Variants in NEK10 observed in about 807,000 individuals in gnomAD.
NEK10 encodes the protein NIMA related kinase 10.
NEK10 carries 122 observed loss-of-function variants against 159.8 expected under a neutral mutation model. That is an observed-to-expected ratio of 0.76 (90% CI 0.66 to 0.89). The LOEUF is 0.89. Among genes scored for constraint, NEK10 ranks in the 40% least tolerant of loss-of-function variants. The probability of loss-of-function intolerance (pLI) is 0.00; values close to 1 mark genes in which losing one functional copy is unlikely to be tolerated. For synonymous variants in NEK10, 466 were observed against 457.1 expected (o/e 1.02, Z -0.25); for missense variants, 1,342 against 1,323.1 (o/e 1.01, Z -0.22).
intron 3 of NEK10, among the ~76,000 whole-genome samples, chr3:27,351,962 G>A (rs1370687118): frequency 1.3e-5 from 2 of 151,822 alleles, no homozygotes; most frequent in Admixed American, 6.6e-5. Flanking sequence ...TCTCTAATAA[G>A]AACATGAAAA....
Position 27,271,193 on chromosome 3 carries a change from AT to A in NEK10, c.2014+13408del, listed in dbSNP as rs2041328504. ...TATCTATCTATCTATCTATCTATCT[AT>A]CTACCTATCTATCTGTCTAACCTCT... On this transcript the variant is annotated intron_variant, in intron 22 of 35. Coordinates refer to ENST00000691995, the MANE Select transcript of NEK10 (RefSeq NM_001394966.1). 7.3e-5 allele frequency among the ~76,000 whole-genome samples: 11 copies of A among 151,508 alleles called. No homozygotes were observed. In the South Asian group the frequency reaches 2.3e-3, roughly 32 times the overall value.
chr3:27,116,019 G>C, intron 34 of NEK10, 24 bp from the exon 35 acceptor site: 1 of 1,612,128 alleles, frequency 6.2e-7, no homozygotes, highest in Non-Finnish European at 8.5e-7. Flanking sequence ...AATCAGGTTA[G>C]TATTGAATTA....
intron 26 of NEK10, among the ~76,000 whole-genome samples, chr3:27,180,039 C>A (rs1000523215): frequency 5.3e-5 from 8 of 152,050 alleles, no homozygotes; most frequent in Non-Finnish European, 8.8e-5. Flanking sequence ...TGAGATCATA[C>A]TACTGCACTC....
At chr3:27,322,341 A>G in intron 5 of NEK10, 80 bp from the exon 6 acceptor site, 1 of 843,526 alleles carries the variant, frequency 1.2e-6, no homozygotes, top group Non-Finnish European at 2.0e-6. Context: ...GCTATGAAGG[A>G]GTATAAAGAA....
chr3:27,155,080 G>T (rs1945267479), intron 30 of NEK10, among the ~76,000 whole-genome samples: 1 of 152,136 alleles, frequency 6.6e-6, no homozygotes, highest in South Asian at 2.1e-4. Context: ...TCCTAGAACT[G>T]ATAAAAGCAT....
At chr3:27,249,245 C>T (rs9826475) in intron 23 of NEK10, among the ~76,000 whole-genome samples, 40,974 of 152,142 alleles carry the variant, frequency 0.27, 5,645 homozygotes, top group Middle Eastern at 0.38. Flanking sequence ...TCCCCAGCCA[C>T]GCTGAACTGC....
chr3:27,181,569 G>T (rs937713837), intron 26 of NEK10, among the ~76,000 whole-genome samples: 23 of 152,124 alleles, frequency 1.5e-4, no homozygotes, highest in Non-Finnish European at 2.9e-4. Flanking sequence ...AAGGTCAACT[G>T]TATTCAGGTC....
At chr3:27,132,229 T>C (rs958881733) in intron 31 of NEK10, among the ~76,000 whole-genome samples, 1 of 152,236 alleles carries the variant, frequency 6.6e-6, no homozygotes, top group East Asian at 1.9e-4. Context: ...TGTTTCTTCA[T>C]TGATTGATAT....
chr3:27,158,718 G>A (rs147516773), intron 30 of NEK10, among the ~76,000 whole-genome samples: 4 of 152,260 alleles, frequency 2.6e-5, no homozygotes, highest in Middle Eastern at 3.4e-3. Flanking sequence ...TGTTAATCCA[G>A]TCAAATTAGG....
chr3:27,328,667 C>T (rs2046186960), intron 5 of NEK10, among the ~76,000 whole-genome samples: 1 of 152,056 alleles, frequency 6.6e-6, no homozygotes, highest in Admixed American at 6.6e-5. Context: ...CCAGGGAAGT[C>T]ACTGGAAGGC....
chr3:27,352,439 A>G (rs2048034405), intron 3 of NEK10, 26 bp downstream of exon 3: 1 of 1,533,882 alleles, frequency 6.5e-7, no homozygotes, highest in East Asian at 2.2e-5. Context: ...TTTTATTACC[A>G]AGTGAACATT....
At chr3:27,172,808 A>C (rs1173802634) in intron 28 of NEK10, among the ~76,000 whole-genome samples, 2 of 152,150 alleles carry the variant, frequency 1.3e-5, no homozygotes, top group Admixed American at 1.3e-4. Context: ...AATAATAAAG[A>C]ATATATATAT....
chr3:27,186,160 G>A (rs908407471), intron 26 of NEK10, among the ~76,000 whole-genome samples: 1 of 152,214 alleles, frequency 6.6e-6, no homozygotes, highest in African/African-American at 2.4e-5. Context: ...CAGAGAGACT[G>A]AGATCAGACA....
intron 25 of NEK10, among the ~76,000 whole-genome samples, chr3:27,193,742 C>T (rs73036988): frequency 0.042 from 6,347 of 151,446 alleles, 207 homozygotes; most frequent in Middle Eastern, 0.061. Context: ...TGCCTTCAGA[C>T]AGATATCCTG....
rs372063766 is a variant in NEK10, at chr3:27,308,911, G to C, written c.716+15C>G. On this transcript the variant is annotated intron_variant, in intron 10 of 35. Coordinates refer to ENST00000691995, the MANE Select transcript of NEK10 (RefSeq NM_001394966.1). ...AGTAGCAGAACTGGAAAGTATATTA[G>C]AATACACTACTTACCTTTCTGCTAA... 6 of 1,403,564 alleles carry C rather than the reference G, an allele frequency of 4.3e-6. No homozygotes were observed. The highest frequency in any genetic ancestry group is 1.4e-5 in the African/African-American group (1 of 70,876). 86.9% of individuals were successfully genotyped at this position (1,403,564 alleles called of 1,614,324 possible).
chr3:27,141,561 G>C lies in NEK10; in HGVS notation c.2891C>G (p.Ser964Cys). ...PRPASAGIAVSQRKVRQISDP... is the reference protein window; with the variant it reads ...PRPASAGIAVCQRKVRQISDP... ...ACTGATCTGACGCACTTTCCTCTGG[G>C]ACACAGCAATTCCTGCTGATGCTGT... is the stretch of plus-strand genomic sequence containing the variant. The change falls in exon 31 of 36, where the codon TCC (serine) becomes TGC (cysteine). Residue 964 changes from serine (S) to cysteine (C), a missense_variant. By Grantham distance (112) the Ser-to-Cys change is moderately radical (BLOSUM62 -1). Coordinates refer to ENST00000691995, the MANE Select transcript of NEK10 (RefSeq NM_001394966.1). 6.2e-7 allele frequency: 1 copy of C among 1,613,160 alleles called. No individual in the cohort carries two copies.
chr3:27,174,831 C>G lies in NEK10; in HGVS notation c.2508G>C (p.Glu836Asp). 6.3e-7 allele frequency: 1 copy of G among 1,575,060 alleles called. No homozygotes were observed. The highest frequency in any genetic ancestry group is 1.4e-5 in the African/African-American group (1 of 72,804). The change falls in exon 27 of 36, where the codon GAG becomes GAC. Residue 836 changes from glutamate to aspartate, a missense_variant and splice_region_variant. Transcript: ENST00000691995. ...CHHELAVLSHETFEKASLSSS... is the reference protein window; with the variant it reads ...CHHELAVLSHDTFEKASLSSS... ...TACTCAAACTTGCCTTCTCAAAGGT[C>G]TCCTGGAAAGAGAAATTCAGTTTTT...
At chr3:27,182,588 T>C (rs1036576997) in intron 26 of NEK10, among the ~76,000 whole-genome samples, 1 of 149,370 alleles carries the variant, frequency 6.7e-6, no homozygotes, top group Non-Finnish European at 1.5e-5. Context: ...GCAATCCCAT[T>C]GCTAGGTATT....
rs71091129 is a variant in NEK10, at chr3:27,365,610, G to GTTTTTTT, written c.-38+3608_-38+3614dup. 7.6e-4 allele frequency among the ~76,000 whole-genome samples: 75 copies of GTTTTTTT among 99,102 alleles called. 1 individual carries two copies. The highest frequency in any genetic ancestry group is 2.7e-3 in the East Asian group (8 of 2,984). The allele number at this position is 99,102 out of a possible 152,430, so 65.0% of individuals were successfully genotyped here. On this transcript the variant is annotated intron_variant, in intron 1 of 35. Transcript: ENST00000691995. ...TTGGTTTTTTGTGTTTTTTTTTTGT[G>GTTTTTTT]TTTTTTTTTTTTTTTTTTTTGAGAT... is the stretch of plus-strand genomic sequence containing the variant.
Sources: gnomAD v4.1 joint callset for allele counts (sites outside exome capture counted in the v4.1 genomes callset) on GRCh38, gnomAD v4.1.1 for gene constraint, MANE v1.5 for transcripts, NCBI Gene and HGNC (gene_info 2026-07-23, HGNC 2026-07-21) for gene names.